The following KIAA1217 variants were observed in gnomAD, a reference collection of about 807,000 sequenced individuals.
The protein encoded by KIAA1217 is KIAA1217.
A neutral mutation model predicts 163.9 loss-of-function variants in KIAA1217; 88 were observed. The observed-to-expected ratio is 0.54, with a 90% CI of 0.45 to 0.64. The LOEUF is 0.64. Among genes scored for constraint, KIAA1217 ranks in the 30% least tolerant of loss-of-function variants. KIAA1217 has a pLI of 0.00. For missense variants in KIAA1217, 2,372 were observed against 2,475.0 expected, an observed-to-expected ratio of 0.96 and a Z score of 0.88; for synonymous variants, 903 against 923.1, an observed-to-expected ratio of 0.98 and a Z score of 0.39.
intron 2 of KIAA1217, among the ~76,000 whole-genome samples, chr10:24,275,306 ACT>A (rs2077161571): frequency 6.6e-6 from 1 of 152,134 alleles, no homozygotes; most frequent in Admixed American, 6.6e-5. Context: ...TAGTGAAGTC[ACT>A]CACACACACA....
chr10:24,347,299 G>A (rs918993360), intron 2 of KIAA1217, among the ~76,000 whole-genome samples: 1 of 152,138 alleles, frequency 6.6e-6, no homozygotes, highest in Non-Finnish European at 1.5e-5. Flanking sequence ...GATGCAGTGC[G>A]TGATCTTTCT....
chr10:23,761,938 C>A (rs1262634834), intron 1 of KIAA1217, among the ~76,000 whole-genome samples: 1 of 152,002 alleles, frequency 6.6e-6, no homozygotes, highest in Non-Finnish European at 1.5e-5. Flanking sequence ...ACTGACCCCA[C>A]AGAAATACAA....
At position 24,457,175 on chromosome 10, in the gene KIAA1217, G is replaced by A. The variant is rs563668012; in HGVS notation, c.847-16053G>A. Among the ~76,000 whole-genome samples, 15 of 152,154 alleles carry A rather than the reference G, an allele frequency of 9.9e-5. No individual in the cohort carries two copies. The South Asian group carries it at 3.1e-3, about 32-fold the overall frequency. On this transcript the variant is annotated intron_variant, in intron 5 of 20. Transcript: ENST00000376454. ...TCTCTGGGAGAAGTGTTGCTCTAAC[G>A]TTGCTTTTCTGAAAAGTAAAGATAA... is the stretch of plus-strand genomic sequence containing the variant.
intron 5 of KIAA1217, among the ~76,000 whole-genome samples, chr10:24,460,002 C>T (rs796235109): frequency 7.2e-5 from 11 of 152,150 alleles, no homozygotes; most frequent in African/African-American, 2.4e-4. Context: ...TTCCGGGACT[C>T]CCCATTTGGT....
intron 3 of KIAA1217, among the ~76,000 whole-genome samples, chr10:24,383,094 A>C (rs1386333018): frequency 1.3e-5 from 2 of 151,538 alleles, no homozygotes; most frequent in African/African-American, 4.8e-5. Flanking sequence ...TAATCCTCCC[A>C]CCTTAACCTC....
chr10:24,543,471 C>T lies in KIAA1217; in HGVS notation c.4201C>T (p.His1401Tyr), dbSNP rs191603307. Residue 1401 changes from histidine (H) to tyrosine (Y), a missense_variant, in exon 19 of 21, where the codon CAT becomes TAT. His to Tyr is a moderately conservative substitution (Grantham distance 83). This residue lies in a region of KIAA1217 where 690 missense variants were observed against 677.5 expected (regional missense o/e 1.02). Transcript: ENST00000376454. Reference protein sequence around the residue: ...TVQVLSSGEVHDIVSQKGEDI... With the variant: ...TVQVLSSGEVYDIVSQKGEDI... ...CCAGGTTCTTTCCAGTGGGGAGGTG[C>T]ATGATATTGTTAGCCAAAAGGGAGA... The T allele has an allele frequency of 4.3e-6, 7 of 1,613,954 alleles. No homozygotes were observed. Among genetic ancestry groups the T allele is most frequent in the African/African-American group, 1.3e-5 (1 of 74,962 alleles).
intron 1 of KIAA1217, among the ~76,000 whole-genome samples, chr10:24,001,327 T>C (rs971812380): frequency 1.3e-5 from 2 of 152,152 alleles, no homozygotes; most frequent in East Asian, 3.9e-4. Flanking sequence ...ATGATCAAAC[T>C]GAACTATGCG....
rs1395496943 is a variant in KIAA1217 at position 24,520,225 on chromosome 10, A to C, written c.2280A>C (p.Gln760His). ...AAGACGGGGCTTTCCTCCTGCGTCA[A>C]GTGGGAGAGGCTGTAGCTACCCTGA... ...DVEDGAFLLR[Q>H]VGEAVATLKG... is the part of the protein sequence containing the mutation. Residue 760 changes from glutamine to histidine, a missense_variant, in exon 11 of 21, where the codon CAA (glutamine) becomes CAC (histidine). Transcript: ENST00000376454. 1.2e-6 allele frequency: 2 copies of C among 1,614,148 alleles called. No individual in the cohort carries two copies. Among genetic ancestry groups the C allele is most frequent in the Admixed American group, 1.7e-5 (1 of 60,022 alleles).
chr10:23,945,911 T>C (rs202151291), intron 1 of KIAA1217, among the ~76,000 whole-genome samples: 3 of 152,162 alleles, frequency 2.0e-5, no homozygotes, highest in East Asian at 1.9e-4. Flanking sequence ...TATATCCTTC[T>C]ACCTGTTTTC....
chr10:24,324,473 A>G (rs2044603030), intron 2 of KIAA1217, among the ~76,000 whole-genome samples: 1 of 152,198 alleles, frequency 6.6e-6, no homozygotes, highest in Non-Finnish European at 1.5e-5. Flanking sequence ...AGGCTAAGGC[A>G]GGAGAATTGC....
intron 2 of KIAA1217, among the ~76,000 whole-genome samples, chr10:24,241,477 G>A (rs2073089039): frequency 6.6e-6 from 1 of 152,064 alleles, no homozygotes; most frequent in African/African-American, 2.4e-5. Context: ...CTCCAGTACT[G>A]CACAGACTTA....
intron 1 of KIAA1217, among the ~76,000 whole-genome samples, chr10:23,991,128 A>G (rs1187562614): frequency 6.6e-6 from 1 of 152,232 alleles, no homozygotes; most frequent in Non-Finnish European, 1.5e-5. Flanking sequence ...TGATTGGGTC[A>G]TCAAACTAGT....
intron 6 of KIAA1217, among the ~76,000 whole-genome samples, chr10:24,476,598 A>G (rs2064069639): frequency 6.6e-6 from 1 of 152,224 alleles, no homozygotes; most frequent in Non-Finnish European, 1.5e-5. Context: ...TCACCAGTGT[A>G]TTCTGACATA....
intron 2 of KIAA1217, among the ~76,000 whole-genome samples, chr10:24,062,913 G>A (rs1397558219): frequency 6.6e-6 from 1 of 151,722 alleles, no homozygotes; most frequent in Non-Finnish European, 1.5e-5. Flanking sequence ...TTTTTCATGT[G>A]TTTTTTTGGC....
chr10:23,818,351 A>AAAAAAATATAT (rs374977941), intron 1 of KIAA1217, among the ~76,000 whole-genome samples: 10 of 134,894 alleles, frequency 7.4e-5, no homozygotes, highest in African/African-American at 2.8e-4. Context: ...TATATAAAAA[A>AAAAAAATATAT]ATATATATAT....
intron 2 of KIAA1217, among the ~76,000 whole-genome samples, chr10:24,068,383 C>T (rs1454862813): frequency 6.6e-6 from 1 of 152,112 alleles, no homozygotes; most frequent in Non-Finnish European, 1.5e-5. Flanking sequence ...TGTTTATGTA[C>T]TGTTCTACTG....
At chr10:24,147,832 C>CAAAAAA (rs1176106711) in intron 2 of KIAA1217, among the ~76,000 whole-genome samples, 94 of 20,742 alleles carry the variant, frequency 4.5e-3, no homozygotes, top group East Asian at 7.9e-3. Flanking sequence ...TACTCTGTCT[C>CAAAAAA]AAAAAAAAAA....
intron 1 of KIAA1217, among the ~76,000 whole-genome samples, chr10:23,948,616 C>A (rs1431749014): frequency 6.6e-6 from 1 of 152,076 alleles, no homozygotes; most frequent in Admixed American, 6.6e-5. Context: ...TCATTATTGC[C>A]ATTTTCCCTC....
intron 2 of KIAA1217, among the ~76,000 whole-genome samples, chr10:24,285,894 C>T (rs921384085): frequency 6.6e-6 from 1 of 152,010 alleles, no homozygotes; most frequent in Admixed American, 6.6e-5. Flanking sequence ...TTTTATAGTT[C>T]CCTTACAGAG....
Sources: allele counts gnomAD v4.1 joint callset (sites outside exome capture counted in the v4.1 genomes callset), GRCh38; gene constraint gnomAD v4.1.1; regional missense constraint gnomAD v4.1.1; transcripts MANE v1.5; gene names NCBI Gene and HGNC (gene_info 2026-07-23, HGNC 2026-07-21).